KCNK2: variants seen among roughly 807,000 people sequenced by gnomAD.
KCNK2 encodes the protein potassium channel subfamily K member 2.
In KCNK2, 21 loss-of-function variants were observed where a neutral mutation model predicts 40.5. The ratio of observed to expected loss-of-function variants is 0.52; its 90% CI spans 0.37 to 0.75. The LOEUF is 0.75. Ranked by LOEUF, KCNK2 falls within the 30% of genes least tolerant of loss-of-function variation. KCNK2 has a pLI of 0.00. For missense variants in KCNK2, 399 were observed against 531.6 expected (o/e 0.75, Z 2.45); for synonymous variants, 191 against 202.2 (o/e 0.94, Z 0.47).
At chr1:215,170,275 C>T (rs1457041287) in intron 4 of KCNK2, among the ~76,000 whole-genome samples, 1 of 151,864 alleles carries the variant, frequency 6.6e-6, no homozygotes, top group East Asian at 1.9e-4. Flanking sequence ...TTAGTAGAAC[C>T]AAAGGTGTAG....
chr1:215,209,476 T>TATAATATAATATATATTA (rs1553274203), intron 6 of KCNK2, among the ~76,000 whole-genome samples: 2 of 43,194 alleles, frequency 4.6e-5, no homozygotes, highest in Non-Finnish European at 4.2e-5. Flanking sequence ...ATAATATATA[T>TATAATATAATATATATTA]TATATATAAT....
chr1:215,105,131 A>G (rs2102555452), intron 2 of KCNK2, among the ~76,000 whole-genome samples: 1 of 152,228 alleles, frequency 6.6e-6, no homozygotes, highest in East Asian at 1.9e-4. Context: ...ATCGTTGACT[A>G]TGTGCACTTC....
intron 2 of KCNK2, among the ~76,000 whole-genome samples, chr1:215,105,306 A>C (rs150012034): frequency 1.3e-5 from 2 of 152,078 alleles, no homozygotes; most frequent in African/African-American, 4.8e-5. Flanking sequence ...TTTTAGAGAT[A>C]CCTCATATAA....
exon 1 of KCNK2, chr1:215,005,907 T>C (rs756693706): frequency 1.2e-6 from 2 of 1,612,730 alleles, no homozygotes; most frequent in African/African-American, 1.3e-5. Context: ...TGACTCCTGA[T>C]GAAAACATCA....
intron 2 of KCNK2, among the ~76,000 whole-genome samples, chr1:215,116,859 T>TG (rs34189348): frequency 0.01 from 1,558 of 151,644 alleles, 24 homozygotes; most frequent in South Asian, 0.061. Flanking sequence ...CAAAATATGC[T>TG]GGGGGGGGAA....
intron 3 of KCNK2, among the ~76,000 whole-genome samples, chr1:215,139,473 A>C (rs1213346914): frequency 2.0e-5 from 3 of 152,126 alleles, no homozygotes; most frequent in Non-Finnish European, 4.4e-5. Context: ...TTTGTTTGCA[A>C]TGGGTATTTT....
chr1:215,151,322 C>T (rs1405430552), intron 3 of KCNK2, among the ~76,000 whole-genome samples: 2 of 152,096 alleles, frequency 1.3e-5, no homozygotes, highest in Non-Finnish European at 2.9e-5. Flanking sequence ...AGTTCATCCT[C>T]CTAATTTTGG....
chr1:215,076,596 G>C (rs57095980), intron 1 of KCNK2, among the ~76,000 whole-genome samples: 2,495 of 152,216 alleles, frequency 0.016, 69 homozygotes, highest in African/African-American at 0.057. Context: ...AGAGAATCAA[G>C]AGAGAGCTAG....
At chr1:215,032,554 C>T (rs1400298296) in intron 1 of KCNK2, among the ~76,000 whole-genome samples, 1 of 152,088 alleles carries the variant, frequency 6.6e-6, no homozygotes, top group Non-Finnish European at 1.5e-5. Context: ...CTTCTTTTAA[C>T]ACTTGCAAGG....
chr1:215,144,703 G>T (rs979230756), intron 3 of KCNK2, among the ~76,000 whole-genome samples: 9 of 151,890 alleles, frequency 5.9e-5, no homozygotes, highest in African/African-American at 2.2e-4. Flanking sequence ...TAATGATTTT[G>T]CTTAAAAAAT....
rs1383510273 is a variant in KCNK2 at position 215,007,135 on chromosome 1, ATATATATGTG to A, written c.34+1188_34+1197del. Among the ~76,000 whole-genome samples the A allele has an allele frequency of 6.0e-3, 728 of 121,826 alleles. 48 individuals are homozygous for A. The highest frequency in any genetic ancestry group is 0.025 in the African/African-American group (683 of 27,824). 79.9% of individuals were successfully genotyped at this position (121,826 alleles called of 152,430 possible). A position where few individuals can be genotyped will look rare whatever the true frequency, so the allele number is the denominator to read the frequency against. ...TGTGTATATATGTATATATATGTGT[ATATATATGTG>A]TATATATATATGTATGTATATATAT... On this transcript the variant is annotated intron_variant, in intron 1 of 6. Coordinates refer to the KCNK2 transcript ENST00000391895.
intron 6 of KCNK2, among the ~76,000 whole-genome samples, chr1:215,199,520 A>G (rs1664997550): frequency 6.6e-6 from 1 of 152,288 alleles, no homozygotes; most frequent in Admixed American, 6.5e-5. Context: ...GCATCAAGGA[A>G]AACAATAATG....
intron 2 of KCNK2, among the ~76,000 whole-genome samples, chr1:215,093,577 ATATATAC>A (rs1659799913): frequency 1.9e-5 from 2 of 106,100 alleles, no homozygotes; most frequent in South Asian, 2.5e-4. Flanking sequence ...AATATATAGT[ATATATAC>A]TATATAATAT....
At chr1:215,115,953 ATG>A (rs1475707914) in intron 2 of KCNK2, among the ~76,000 whole-genome samples, 1 of 108,756 alleles carries the variant, frequency 9.2e-6, no homozygotes, top group Non-Finnish European at 2.0e-5. Context: ...GGTCTTCATC[ATG>A]TTTTTTTTTT....
chr1:215,186,605 G>A (rs557742497), intron 5 of KCNK2, among the ~76,000 whole-genome samples: 2 of 152,310 alleles, frequency 1.3e-5, no homozygotes, highest in South Asian at 4.1e-4. Context: ...AATAGGCAGT[G>A]CTCAGGTGTC....
At position 215,115,302 on chromosome 1, in the gene KCNK2, A is replaced by G. The variant is rs61818319; in HGVS notation, c.358-9331A>G. Reference sequence around the variant, plus strand: ...TTAAGTGCATTGGGAAATCAAATGAATAGAGATTAGTGACATTATATTGGA... The same window carrying G: ...TTAAGTGCATTGGGAAATCAAATGAGTAGAGATTAGTGACATTATATTGGA... On this transcript the variant is annotated intron_variant, in intron 2 of 6. Transcript: ENST00000444842. Among the ~76,000 whole-genome samples the G allele has an allele frequency of 9.7e-3, 1,470 of 152,216 alleles. 23 individuals carry two copies. Among genetic ancestry groups the G allele is most frequent in the South Asian group, 0.061 (292 of 4,820 alleles).
At chr1:215,044,639 C>T (rs1657680025) in intron 1 of KCNK2, among the ~76,000 whole-genome samples, 1 of 152,056 alleles carries the variant, frequency 6.6e-6, no homozygotes, top group African/African-American at 2.4e-5. Context: ...AACCAATTAT[C>T]ACCGGTTATA....
At chr1:215,041,028 T>C (rs1432979716) in intron 1 of KCNK2, among the ~76,000 whole-genome samples, 1 of 152,180 alleles carries the variant, frequency 6.6e-6, no homozygotes, top group East Asian at 1.9e-4. Context: ...TTTTGCATTC[T>C]TATGTTTCAC....
intron 1 of KCNK2, among the ~76,000 whole-genome samples, chr1:215,044,318 C>T (rs1005558904): frequency 2.0e-5 from 3 of 151,958 alleles, no homozygotes; most frequent in Admixed American, 6.6e-5. Flanking sequence ...CTAGGAATTC[C>T]GGTGGTGAAG....
Sources: allele counts gnomAD v4.1 joint callset (sites outside exome capture counted in the v4.1 genomes callset), GRCh38; gene constraint gnomAD v4.1.1; transcripts MANE v1.5; gene names NCBI Gene and HGNC (gene_info 2026-07-23, HGNC 2026-07-21).